Variants in FOXN3 observed in about 807,000 individuals in gnomAD.
The protein encoded by FOXN3 is forkhead box protein N3.
A neutral mutation model predicts 38.4 loss-of-function variants in FOXN3; 7 were observed. The observed-to-expected ratio is 0.18, with a 90% CI of 0.10 to 0.34. The LOEUF is 0.34. FOXN3 is among the 10% of genes least tolerant of loss of function. The pLI, the probability that FOXN3 is intolerant of heterozygous loss-of-function variation, is 1.00. For missense variants in FOXN3, 456 were observed against 613.4 expected, an observed-to-expected ratio of 0.74 and a Z score of 2.71; for synonymous variants, 230 against 242.2, an observed-to-expected ratio of 0.95 and a Z score of 0.47.
At chr14:89,407,165 G>A (rs755413183) in intron 2 of FOXN3, among the ~76,000 whole-genome samples, 22 of 152,126 alleles carry the variant, frequency 1.4e-4, no homozygotes, top group Non-Finnish European at 2.8e-4. Flanking sequence ...CCATTTGACA[G>A]GAAATAGAAG....
rs199560754 is a variant in FOXN3 at position 89,617,299 on chromosome 14, TCA to T, written c.-15+1727_-15+1728del. On this transcript the variant is annotated intron_variant, in intron 1 of 6. Coordinates refer to the FOXN3 transcript ENST00000345097. ...CAGTTTGTCTTACAGATATAACATTTCACAGTGTTTACTAATTCATATTCTTA... is the reference window on the plus strand; with the variant it reads ...CAGTTTGTCTTACAGATATAACATTTCAGTGTTTACTAATTCATATTCTTA... Among the ~76,000 whole-genome samples, 1,029 of 152,372 alleles carry T rather than the reference TCA, an allele frequency of 6.8e-3. 13 individuals carry two copies. The highest frequency in any genetic ancestry group is 0.023 in the African/African-American group (950 of 41,590).
At chr14:89,377,052 A>AAAAAAAAAAC (rs1890502324) in intron 2 of FOXN3, among the ~76,000 whole-genome samples, 1 of 136,576 alleles carries the variant, frequency 7.3e-6, no homozygotes, top group Non-Finnish European at 1.6e-5. Flanking sequence ...AAAAAAAAAA[A>AAAAAAAAAAC]AAGCTTGAGC....
In FOXN3 at chr14:89,180,945, C is replaced by A. The variant is rs568492080; in HGVS notation, c.746-139G>T. ...AGACAGAGAGAAACACACACACACA[C>A]GTGCACATACACACACACACACACA... is the stretch of plus-strand genomic sequence containing the variant. On this transcript the variant is annotated intron_variant, in intron 4 of 5. Coordinates refer to ENST00000557258, the MANE Select transcript of FOXN3 (RefSeq NM_005197.4). 1.2e-5 allele frequency: 6 copies of A among 504,848 alleles called. No individual in the cohort carries two copies. In the African/African-American group the frequency reaches 2.0e-4, roughly 17 times the overall value. The allele number at this position is 504,848 out of a possible 1,614,324, so 31.3% of individuals were successfully genotyped here.
intron 1 of FOXN3, among the ~76,000 whole-genome samples, chr14:89,454,559 T>C (rs756611573): frequency 1.3e-5 from 2 of 152,210 alleles, no homozygotes; most frequent in Non-Finnish European, 2.9e-5. Flanking sequence ...AGAGAAAAAC[T>C]GGATAAACAT....
At chr14:89,341,218 A>G (rs943084798) in intron 3 of FOXN3, among the ~76,000 whole-genome samples, 3 of 152,186 alleles carry the variant, frequency 2.0e-5, no homozygotes, top group Middle Eastern at 3.4e-3. Flanking sequence ...CCCACCCAAC[A>G]ACTCTAGCAT....
chr14:89,615,497 G>T (rs1440941567), intron 1 of FOXN3, among the ~76,000 whole-genome samples: 2 of 152,210 alleles, frequency 1.3e-5, no homozygotes, highest in African/African-American at 4.8e-5. Context: ...TGCAGAGAAT[G>T]AATTGTACCA....
At chr14:89,172,578 A>C (rs577093475) in intron 5 of FOXN3, among the ~76,000 whole-genome samples, 2 of 152,348 alleles carry the variant, frequency 1.3e-5, no homozygotes, top group Admixed American at 1.3e-4. Flanking sequence ...AAAAAGAACA[A>C]GGTGAGAGAA....
chr14:89,204,028 C>G (rs1006086917), intron 4 of FOXN3, among the ~76,000 whole-genome samples: 2 of 148,764 alleles, frequency 1.3e-5, no homozygotes, highest in Non-Finnish European at 3.0e-5. Context: ...GAAAGAAATA[C>G]CGGTATAACC....
rs936956693 is a variant in FOXN3 at position 89,163,864 on chromosome 14, T to C, written c.852-895A>G. On this transcript the variant is annotated intron_variant, in intron 5 of 5. Coordinates refer to ENST00000557258, the MANE Select transcript of FOXN3 (RefSeq NM_005197.4). This position sits in a 1 kb window ranked among gnomAD's most constrained non-coding sequence, Gnocchi z 4.3. Reference sequence around the variant, plus strand: ...CAAAGTCTGACTCTCAGACTTGAGGTCTTAGCTACATCACCAGACCGACCC... The same window carrying C: ...CAAAGTCTGACTCTCAGACTTGAGGCCTTAGCTACATCACCAGACCGACCC... Among the ~76,000 whole-genome samples, 1 of 152,170 alleles carries C rather than the reference T, an allele frequency of 6.6e-6. No homozygotes were observed. The highest frequency in any genetic ancestry group is 1.5e-5 in the Non-Finnish European group (1 of 68,012).
At chr14:89,430,937 T>A (rs952720769) in intron 1 of FOXN3, among the ~76,000 whole-genome samples, 1 of 152,220 alleles carries the variant, frequency 6.6e-6, no homozygotes, top group Non-Finnish European at 1.5e-5. Context: ...TGATAAATCA[T>A]GCGTTGCAGG....
At chr14:89,612,841 C>T (rs185376810) in intron 1 of FOXN3, among the ~76,000 whole-genome samples, 5 of 150,700 alleles carry the variant, frequency 3.3e-5, no homozygotes, top group South Asian at 2.1e-4. Context: ...AAAAAAAGTC[C>T]GGACACGGTG....
At position 89,156,963 on chromosome 14, in the gene FOXN3, C is replaced by A. The variant is rs1886994406; in HGVS notation, c.*5451G>T. ...AGTCATGAAAGGATGAATACAATTT[C>A]TAGGTTTAATAGGTTCACCATATCG... is the stretch of plus-strand genomic sequence containing the variant. On this transcript the variant is annotated 3_prime_UTR_variant, in exon 6 of 6. Coordinates refer to ENST00000557258, the MANE Select transcript of FOXN3 (RefSeq NM_005197.4). The A allele has an allele frequency of 6.6e-6, 1 of 152,552 alleles. No homozygotes were observed. The highest frequency in any genetic ancestry group is 1.5e-5 in the Non-Finnish European group (1 of 68,020). The allele number at this position is 152,552 out of a possible 1,614,324, so 9.4% of individuals were successfully genotyped here. A position where few individuals can be genotyped will look rare whatever the true frequency, so the allele number is the denominator to read the frequency against.
rs116630784 is a variant in FOXN3 at position 89,233,858 on chromosome 14, C to T, written c.745+47092G>A. On this transcript the variant is annotated intron_variant, in intron 4 of 5. Transcript: ENST00000557258. ...AGTAAATGAACTCAAGGCCTTTGGC[C>T]TAAACCCCATGACGCCAGTCTAGGT... Among the ~76,000 whole-genome samples the T allele has an allele frequency of 5.1e-3, 778 of 152,338 alleles. 8 individuals carry two copies. The highest frequency in any genetic ancestry group is 0.018 in the African/African-American group (741 of 41,568).
chr14:89,343,608 G>A (rs1248494537), intron 3 of FOXN3, among the ~76,000 whole-genome samples: 2 of 146,996 alleles, frequency 1.4e-5, no homozygotes, highest in Non-Finnish European at 3.0e-5. Context: ...AATCTTTGGA[G>A]AGGCCATTAA....
chr14:89,347,948 G>A (rs556744974), intron 3 of FOXN3, among the ~76,000 whole-genome samples: 15 of 113,934 alleles, frequency 1.3e-4, no homozygotes, highest in South Asian at 9.1e-4. Context: ...GCAAGACTCC[G>A]TCTCAAAAAA....
intron 1 of FOXN3, among the ~76,000 whole-genome samples, chr14:89,608,984 A>C (rs1051535652): frequency 6.6e-6 from 1 of 152,188 alleles, no homozygotes; most frequent in African/African-American, 2.4e-5. Flanking sequence ...AGTGAATGAA[A>C]GTGGTGACTG....
intron 1 of FOXN3, among the ~76,000 whole-genome samples, chr14:89,433,218 T>G (rs758365872): frequency 6.6e-6 from 1 of 152,000 alleles, no homozygotes; most frequent in Non-Finnish European, 1.5e-5. Context: ...GCACGGTGGC[T>G]CACACCTGTA....
intron 3 of FOXN3, among the ~76,000 whole-genome samples, chr14:89,333,978 A>G (rs1310806246): frequency 0.017 from 67 of 3,866 alleles, no homozygotes; most frequent in Middle Eastern, 0.25. Context: ...ATATATATAT[A>G]TATATATATA....
At chr14:89,249,486 T>C (rs1306932667) in intron 4 of FOXN3, among the ~76,000 whole-genome samples, 1 of 152,232 alleles carries the variant, frequency 6.6e-6, no homozygotes, top group Non-Finnish European at 1.5e-5. Flanking sequence ...TACTACTAAA[T>C]ACCTTCCAGC....
Sources: gnomAD v4.1 joint callset for allele counts (sites outside exome capture counted in the v4.1 genomes callset) on GRCh38, gnomAD v4.1.1 for gene constraint, Gnocchi (gnomAD v3.1) non-coding constraint, MANE v1.5 for transcripts, NCBI Gene and HGNC (gene_info 2026-07-23, HGNC 2026-07-21) for gene names.